TMEM232: variants seen among roughly 807,000 people sequenced by gnomAD.
TMEM232 encodes the protein transmembrane protein 232.
TMEM232 carries 80 observed loss-of-function variants against 78.8 expected under a neutral mutation model. The ratio of observed to expected loss-of-function variants is 1.01; its 90% CI spans 0.85 to 1.22. TMEM232 has a LOEUF of 1.22. Among genes scored for constraint, TMEM232 ranks in the 50% most tolerant of loss-of-function variants. TMEM232 has a pLI of 0.00. For missense variants in TMEM232, 881 were observed against 742.2 expected (o/e 1.19, Z -2.17); for synonymous variants, 297 against 254.3 (o/e 1.17, Z -1.60).
At chr5:110,707,697 T>G (rs1796070656) in intron 1 of TMEM232, among the ~76,000 whole-genome samples, 1 of 152,158 alleles carries the variant, frequency 6.6e-6, no homozygotes, top group Non-Finnish European at 1.5e-5. Context: ...AAAGGAATGC[T>G]TGCTTCAACC....
intron 11 of TMEM232, among the ~76,000 whole-genome samples, chr5:110,550,987 T>G (rs1382690334): frequency 1.3e-5 from 2 of 152,122 alleles, no homozygotes; most frequent in Non-Finnish European, 2.9e-5. Flanking sequence ...TAAGAATGAT[T>G]TTTACATTTA....
At position 110,528,673 on chromosome 5, in the gene TMEM232, T is replaced by G; in HGVS notation, c.1618A>C (p.Lys540Gln). 1.3e-6 allele frequency: 2 copies of G among 1,535,318 alleles called. No homozygotes were observed. The highest frequency in any genetic ancestry group is 3.9e-5 in the Admixed American group (2 of 50,950). Reference protein sequence around the residue: ...PIEAHFLPLKKPSIKKDQTKY... With the variant: ...PIEAHFLPLKQPSIKKDQTKY... ...GTTTGATCCTTTTTTATTGATGGTT[T>G]CTTCAAAGGAAGAAAATGGGCCTCA... The change falls in exon 12 of 14, where the codon AAA becomes CAA. Residue 540 changes from lysine (K) to glutamine (Q), a missense_variant. Transcript: ENST00000455884.
At chr5:110,666,326 AT>A (rs1169543296) in intron 2 of TMEM232, among the ~76,000 whole-genome samples, 2 of 152,084 alleles carry the variant, frequency 1.3e-5, no homozygotes, top group African/African-American at 2.4e-5. Flanking sequence ...ATTTGTTTCA[AT>A]TTTTTTCTTT....
chr5:110,633,663 TCTTCAC>T (rs1785444680), intron 5 of TMEM232, among the ~76,000 whole-genome samples: 1 of 152,168 alleles, frequency 6.6e-6, no homozygotes, highest in Non-Finnish European at 1.5e-5. Context: ...CCTTGCTTCT[TCTTCAC>T]CTTTTGCCAT....
chr5:110,487,470 T>A (rs766091237), intron 12 of TMEM232, among the ~76,000 whole-genome samples: 2 of 152,106 alleles, frequency 1.3e-5, no homozygotes, highest in Non-Finnish European at 2.9e-5. Context: ...TTTTATTACA[T>A]TGAGGTAGGT....
chr5:110,586,613 T>C (rs1778847993), intron 10 of TMEM232, among the ~76,000 whole-genome samples: 1 of 151,728 alleles, frequency 6.6e-6, no homozygotes, highest in South Asian at 2.1e-4. Context: ...TACAAATGTA[T>C]CTCAAGATTT....
intron 1 of TMEM232, among the ~76,000 whole-genome samples, chr5:110,692,128 AGCCAGGAT>A (rs1794192167): frequency 6.6e-6 from 1 of 152,066 alleles, no homozygotes; most frequent in South Asian, 2.1e-4. Flanking sequence ...TCACCCTGTT[AGCCAGGAT>A]GCTCTTGTAC....
At chr5:110,614,750 G>T (rs560649810) in intron 8 of TMEM232, among the ~76,000 whole-genome samples, 1 of 151,934 alleles carries the variant, frequency 6.6e-6, no homozygotes, top group South Asian at 2.1e-4. Flanking sequence ...TTTTCCAAGG[G>T]CTTACGTAGT....
chr5:110,424,313 A>G (rs1757009802), intron 13 of TMEM232, among the ~76,000 whole-genome samples: 1 of 152,204 alleles, frequency 6.6e-6, no homozygotes, highest in Non-Finnish European at 1.5e-5. Flanking sequence ...AGAACGAGGC[A>G]TAAAATGATG....
At chr5:110,525,644 A>G (rs1449899817) in intron 12 of TMEM232, among the ~76,000 whole-genome samples, 1 of 151,896 alleles carries the variant, frequency 6.6e-6, no homozygotes, top group African/African-American at 2.4e-5. Flanking sequence ...AAGTGATGCA[A>G]GTAAATTTAC....
At chr5:110,505,187 G>T (rs1766726898) in intron 12 of TMEM232, among the ~76,000 whole-genome samples, 1 of 152,142 alleles carries the variant, frequency 6.6e-6, no homozygotes, top group Non-Finnish European at 1.5e-5. Context: ...AGTTAAACTT[G>T]TGAAATCTTA....
At position 110,625,287 on chromosome 5, in the gene TMEM232, C is replaced by T. The variant is rs1784275187; in HGVS notation, c.748G>A (p.Glu250Lys). The T allele has an allele frequency of 6.5e-7, 1 of 1,540,512 alleles. No homozygotes were observed. Among genetic ancestry groups the T allele is most frequent in the Non-Finnish European group, 8.8e-7 (1 of 1,142,128 alleles). ...FRPVEDKKRY[E>K]NTDSDMGGYE... ...CTCACCATATCAGAATCTGTGTTCT[C>T]ATATCTTTTCTTATCTTCCACAGGT... The change falls in exon 7 of 14, where the codon GAG (glutamate) becomes AAG (lysine). Residue 250 changes from glutamate to lysine, a missense_variant. Transcript: ENST00000455884.
chr5:110,454,871 A>G (rs1416686729), intron 12 of TMEM232, among the ~76,000 whole-genome samples: 1 of 151,782 alleles, frequency 6.6e-6, no homozygotes, highest in Non-Finnish European at 1.5e-5. Flanking sequence ...GAAAAAAACA[A>G]TAGAGTAATT....
intron 8 of TMEM232, among the ~76,000 whole-genome samples, chr5:110,617,026 C>T (rs894798304): frequency 1.3e-5 from 2 of 152,156 alleles, no homozygotes; most frequent in Non-Finnish European, 2.9e-5. Flanking sequence ...AATCAACCTA[C>T]GTGTCACACT....
At chr5:110,401,705 A>G (rs760532229) in intron 2 of TMEM232, among the ~76,000 whole-genome samples, 3 of 152,080 alleles carry the variant, frequency 2.0e-5, no homozygotes, top group Admixed American at 1.3e-4. Context: ...AGCAGAATGT[A>G]TATTTTTTTT....
chr5:110,704,813 G>A (rs28574988), intron 1 of TMEM232, among the ~76,000 whole-genome samples: 1,841 of 152,132 alleles, frequency 0.012, 45 homozygotes, highest in African/African-American at 0.042. Context: ...TTTGCAAGTA[G>A]ATCACTGTAT....
At chr5:110,600,968 T>G (rs1211254464) in intron 10 of TMEM232, among the ~76,000 whole-genome samples, 2 of 152,182 alleles carry the variant, frequency 1.3e-5, no homozygotes, top group Admixed American at 1.3e-4. Context: ...CACGATCAAG[T>G]CAGCTTCATC....
chr5:110,395,856 C>G (rs1033473920), intron 3 of TMEM232, among the ~76,000 whole-genome samples: 1 of 152,054 alleles, frequency 6.6e-6, no homozygotes, highest in Non-Finnish European at 1.5e-5. Context: ...TTTCTCTTTC[C>G]CTTTCATTGT....
In TMEM232 at chr5:110,406,167, A is replaced by G. The variant is rs115190650; in HGVS notation, n.309-8313T>C. 8.4e-3 allele frequency among the ~76,000 whole-genome samples: 1,279 copies of G among 152,062 alleles called. 20 individuals are homozygous for G. The highest frequency in any genetic ancestry group is 0.029 in the African/African-American group (1,200 of 41,516). On this transcript the variant is annotated intron_variant and non_coding_transcript_variant, in intron 2 of 8. Coordinates refer to the TMEM232 transcript ENST00000507188. ...TATGGACTGAATAGAACTCTCATAC[A>G]TATCTGAGGTAGCTATAAAATGATA... is the stretch of plus-strand genomic sequence containing the variant.
Sources: gnomAD v4.1 joint callset for allele counts (sites outside exome capture counted in the v4.1 genomes callset) on GRCh38, gnomAD v4.1.1 for gene constraint, MANE v1.5 for transcripts, NCBI Gene and HGNC (gene_info 2026-07-23, HGNC 2026-07-21) for gene names.